TMTC1: variants seen among roughly 807,000 people sequenced by gnomAD.
The protein encoded by TMTC1 is transmembrane O-mannosyltransferase targeting cadherins 1.
In TMTC1, 73 loss-of-function variants were observed where a neutral mutation model predicts 104.8. The ratio of observed to expected loss-of-function variants is 0.70; its 90% CI spans 0.58 to 0.85. The LOEUF (loss-of-function observed/expected upper bound fraction) is 0.85. TMTC1 is among the 40% of genes least tolerant of loss of function. TMTC1 has a pLI of 0.00. For missense variants in TMTC1, 1,035 were observed against 1,096.1 expected, an observed-to-expected ratio of 0.94 and a Z score of 0.79; for synonymous variants, 434 against 428.7, an observed-to-expected ratio of 1.01 and a Z score of -0.15.
At chr12:29,749,901 A>G (rs967805999) in intron 5 of TMTC1, among the ~76,000 whole-genome samples, 1 of 151,758 alleles carries the variant, frequency 6.6e-6, no homozygotes, top group Admixed American at 6.6e-5. Flanking sequence ...TCATCTCTTC[A>G]TTGCAGTTTC....
intron 6 of TMTC1, among the ~76,000 whole-genome samples, chr12:29,628,308 T>TA (rs1444245460): frequency 3.3e-5 from 5 of 152,162 alleles, no homozygotes; most frequent in Non-Finnish European, 1.5e-5. Context: ...AACAACGTGG[T>TA]ACAACTTCAG....
intron 1 of TMTC1, among the ~76,000 whole-genome samples, chr12:29,781,137 A>C (rs1282158526): frequency 2.0e-5 from 1 of 50,344 alleles, no homozygotes; most frequent in Non-Finnish European, 4.6e-5. Context: ...TCAGGTGAAT[A>C]TAAAGAAAAC....
At chr12:29,689,356 C>A (rs371407069) in intron 5 of TMTC1, among the ~76,000 whole-genome samples, 4 of 151,850 alleles carry the variant, frequency 2.6e-5, no homozygotes, top group African/African-American at 4.8e-5. Flanking sequence ...ACTCTGTTGC[C>A]GAGGCTGGAG....
intron 1 of TMTC1, among the ~76,000 whole-genome samples, chr12:29,780,492 G>C (rs1303315691): frequency 6.6e-6 from 1 of 152,114 alleles, no homozygotes. Context: ...TTGGGTGAGG[G>C]GATTATGGAT....
chr12:29,514,581 A>C lies in TMTC1; in HGVS notation c.2331T>G (p.Ala777=). The change falls in exon 16 of 18, where the codon GCT becomes GCG. Residue 777 remains alanine, a synonymous_variant. Coordinates refer to ENST00000539277, the MANE Select transcript of TMTC1 (RefSeq NM_001193451.2). ...HDKALDAIDK[A]LQLKPKDPKV... ...TTGGGTCCTTTGGTTTCAGCTGGAG[A>C]GCCTTGTCTATAGCATCAAGTGCCT... 6.2e-7 allele frequency: 1 copy of C among 1,613,884 alleles called. No homozygotes were observed. The highest frequency in any genetic ancestry group is 8.5e-7 in the Non-Finnish European group (1 of 1,179,930).
chr12:29,771,358 G>A (rs2120548551), intron 1 of TMTC1, among the ~76,000 whole-genome samples: 1 of 152,174 alleles, frequency 6.6e-6, no homozygotes, highest in Admixed American at 6.5e-5. Flanking sequence ...ACTGTACATA[G>A]GTCATTGCCC....
chr12:29,705,082 A>G (rs1941703529), intron 5 of TMTC1, among the ~76,000 whole-genome samples: 1 of 152,218 alleles, frequency 6.6e-6, no homozygotes, highest in African/African-American at 2.4e-5. Context: ...CAGAAGAATG[A>G]GCAGCCTCAG....
At chr12:29,652,388 G>A (rs1939563322) in intron 5 of TMTC1, among the ~76,000 whole-genome samples, 2 of 152,216 alleles carry the variant, frequency 1.3e-5, no homozygotes, top group South Asian at 2.1e-4. Flanking sequence ...ACTGCACTGT[G>A]TGGGTCATTC....
chr12:29,551,444 T>C (rs1945100637), intron 10 of TMTC1, among the ~76,000 whole-genome samples: 1 of 152,234 alleles, frequency 6.6e-6, no homozygotes, highest in Admixed American at 6.5e-5. Flanking sequence ...TATCCTGTTA[T>C]CAAATTCATC....
rs146616687 is a variant in TMTC1 at position 29,504,850 on chromosome 12, T to C, written c.*1996A>G. The C allele has an allele frequency of 5.0e-4, 76 of 152,352 alleles. No homozygotes were observed. The highest frequency in any genetic ancestry group is 1.7e-3 in the African/African-American group (71 of 41,576). The allele number at this position is 152,352 out of a possible 1,614,324, so 9.4% of individuals were successfully genotyped here. Reference sequence around the variant, plus strand: ...TTTCATTACAGATTATTCTGAAAAGTTGTAATAAAGTCCTAGACATTCACT... The same window carrying C: ...TTTCATTACAGATTATTCTGAAAAGCTGTAATAAAGTCCTAGACATTCACT... On this transcript the variant is annotated 3_prime_UTR_variant, in exon 18 of 18. Transcript: ENST00000539277.
intron 6 of TMTC1, among the ~76,000 whole-genome samples, chr12:29,617,034 T>G (rs1319905661): frequency 6.6e-6 from 1 of 152,112 alleles, no homozygotes; most frequent in African/African-American, 2.4e-5. Flanking sequence ...ATCTTACTGT[T>G]TACCACTATG....
At chr12:29,612,829 C>T (rs894526165) in intron 6 of TMTC1, among the ~76,000 whole-genome samples, 6 of 152,190 alleles carry the variant, frequency 3.9e-5, no homozygotes, top group Admixed American at 6.5e-5. Flanking sequence ...ACTTGTAAGT[C>T]GATATTATAT....
chr12:29,546,029 A>C (rs1371159036), intron 10 of TMTC1, among the ~76,000 whole-genome samples: 1 of 152,214 alleles, frequency 6.6e-6, no homozygotes, highest in Admixed American at 6.5e-5. Context: ...AGTAGAACTG[A>C]GACTCAAACT....
intron 7 of TMTC1, among the ~76,000 whole-genome samples, chr12:29,591,158 T>G (rs907072842): frequency 6.6e-6 from 1 of 152,204 alleles, no homozygotes; most frequent in Non-Finnish European, 1.5e-5. Flanking sequence ...TATCACATTC[T>G]TAAAAGTCTG....
intron 6 of TMTC1, among the ~76,000 whole-genome samples, chr12:29,614,651 A>AT (rs1283000283): frequency 1.3e-5 from 2 of 152,176 alleles, no homozygotes; most frequent in African/African-American, 4.8e-5. Flanking sequence ...AAAAAGACTG[A>AT]TTTTCACCAA....
intron 17 of TMTC1, among the ~76,000 whole-genome samples, chr12:29,511,328 C>T (rs1176851649): frequency 6.6e-6 from 1 of 152,028 alleles, no homozygotes; most frequent in African/African-American, 2.4e-5. Flanking sequence ...CCTACTAGCA[C>T]CATAAGAACA....
chr12:29,569,340 A>G (rs1945604243), intron 9 of TMTC1, among the ~76,000 whole-genome samples: 1 of 152,230 alleles, frequency 6.6e-6, no homozygotes, highest in South Asian at 2.1e-4. Context: ...AGCCCTTATG[A>G]TTAATTTCAC....
chr12:29,699,796 A>G (rs1165249673), intron 5 of TMTC1, among the ~76,000 whole-genome samples: 1 of 151,290 alleles, frequency 6.6e-6, no homozygotes, highest in Non-Finnish European at 1.5e-5. Flanking sequence ...CACACCAACA[A>G]GCCCAGCTAA....
chr12:29,775,709 A>T (rs1943691995), intron 1 of TMTC1, among the ~76,000 whole-genome samples: 1 of 152,108 alleles, frequency 6.6e-6, no homozygotes, highest in African/African-American at 2.4e-5. Flanking sequence ...GATTGAAATC[A>T]CTGACCACAC....
Sources: allele counts gnomAD v4.1 joint callset (sites outside exome capture counted in the v4.1 genomes callset), GRCh38; gene constraint gnomAD v4.1.1; transcripts MANE v1.5; gene names NCBI Gene and HGNC (gene_info 2026-07-23, HGNC 2026-07-21).